SLC2A14: variants seen among roughly 807,000 people sequenced by gnomAD.
SLC2A14 encodes solute carrier family 2 member 14.
In SLC2A14, 13 loss-of-function variants were observed where a neutral mutation model predicts 43.0. The observed-to-expected ratio is 0.30, with a 90% CI of 0.20 to 0.48. SLC2A14 has a LOEUF of 0.48. Ranked by LOEUF, SLC2A14 falls within the 20% of genes least tolerant of loss-of-function variation. The pLI is 0.99. For missense variants in SLC2A14, 428 were observed against 620.4 expected (o/e 0.69, Z 3.29); for synonymous variants, 190 against 233.8 (o/e 0.81, Z 1.71).
At chr12:7,884,199 C>T (rs1243777031) in intron 1 of SLC2A14, among the ~76,000 whole-genome samples, 3 of 152,204 alleles carry the variant, frequency 2.0e-5, no homozygotes, top group Non-Finnish European at 4.4e-5. Context: ...GGATTACAGG[C>T]ATGAGCCACC....
intron 2 of SLC2A14, chr12:7,850,741 G>A (rs938631896): frequency 1.3e-5 from 2 of 152,198 alleles, no homozygotes; most frequent in Non-Finnish European, 2.9e-5. Context: ...GTGAAGCTGT[G>A]AGAGTGGAGA....
chr12:7,884,125 A>C (rs770549276), intron 1 of SLC2A14, among the ~76,000 whole-genome samples: 1 of 150,516 alleles, frequency 6.6e-6, no homozygotes, highest in Non-Finnish European at 1.5e-5. Context: ...GGGTTTCACC[A>C]TGTTAGCCAG....
At chr12:7,826,213 A>G (rs966638680) in intron 7 of SLC2A14, among the ~76,000 whole-genome samples, 4 of 111,260 alleles carry the variant, frequency 3.6e-5, no homozygotes, top group African/African-American at 1.1e-4. Flanking sequence ...ACTACTGTGT[A>G]TTTCCTCCCA....
intron 1 of SLC2A14, 82 bp from the exon 2 acceptor site, chr12:7,870,019 C>T (rs1306530114): frequency 1.9e-5 from 13 of 671,566 alleles, no homozygotes; most frequent in Non-Finnish European, 2.9e-5. Context: ...TTAGCCCCCT[C>T]GCCAATGGAC....
In SLC2A14 at chr12:7,891,076, C is replaced by A; in HGVS notation, c.52G>T (p.Gly18Ter). The change falls in exon 1 of 10, where the codon GGA becomes TGA. Residue 18 changes from glycine to a stop codon, truncating the protein, a stop_gained. Transcript: ENST00000539924. LOFTEE classifies it high-confidence loss of function. Reference sequence around the variant, plus strand: ...AAAAAGAAATGCCGCATTTCATCTCCTTGTTTCACACCCAGGAGTACTTCT... The same window carrying A: ...AAAAAGAAATGCCGCATTTCATCTCATTGTTTCACACCCAGGAGTACTTCT... The A allele has an allele frequency of 1.3e-6, 2 of 1,535,158 alleles. No individual in the cohort carries two copies. The highest frequency in any genetic ancestry group is 3.9e-5 in the Admixed American group (2 of 50,964).
rs1031624027 is a variant in SLC2A14 at position 7,848,063 on chromosome 12, A to G, written c.19-15249T>C. Among the ~76,000 whole-genome samples the G allele has an allele frequency of 6.6e-4, 101 of 152,118 alleles. 3 individuals carry two copies. The highest frequency in any genetic ancestry group is 6.6e-3 in the Admixed American group (101 of 15,260). ...TCAGATGACAAACCCAATTTGCAGG[A>G]TTCTGCAGAAAGCAGCTGCAGACAG... is the stretch of plus-strand genomic sequence containing the variant. On this transcript the variant is annotated intron_variant, in intron 2 of 10. Transcript: ENST00000431042.
chr12:7,822,463 C>T (rs984178278), intron 7 of SLC2A14, among the ~76,000 whole-genome samples: 11 of 151,566 alleles, frequency 7.3e-5, no homozygotes, highest in African/African-American at 2.2e-4. Context: ...GTCAGGAGAT[C>T]GAGACCATCC....
At chr12:7,865,430 G>A (rs1360868012) in intron 2 of SLC2A14, among the ~76,000 whole-genome samples, 2 of 151,920 alleles carry the variant, frequency 1.3e-5, no homozygotes, top group South Asian at 2.1e-4. Flanking sequence ...CCAGCTACTC[G>A]GGAGGCTGAA....
intron 2 of SLC2A14, among the ~76,000 whole-genome samples, chr12:7,868,910 C>T (rs188827727): frequency 2.4e-4 from 37 of 151,982 alleles, no homozygotes; most frequent in Middle Eastern, 3.4e-3. Flanking sequence ...TTTGGGAGGC[C>T]GAGGCGGGCA....
At chr12:7,847,575 G>T (rs1438965723) in intron 2 of SLC2A14, among the ~76,000 whole-genome samples, 2 of 152,156 alleles carry the variant, frequency 1.3e-5, no homozygotes, top group Admixed American at 6.6e-5. Flanking sequence ...AGGGTTTTGT[G>T]TAACTTGGCT....
At position 7,828,793 on chromosome 12, in the gene SLC2A14, G is replaced by A. The variant is rs1864733573; in HGVS notation, c.587C>T (p.Ala196Val). Residue 196 changes from alanine to valine, a missense_variant, in exon 6 of 11, where the codon GCT becomes GTT. Physicochemically the swap from Ala to Val is moderately conservative, Grantham distance 64 (BLOSUM62 0). Transcript: ENST00000431042. The stretch of plus-strand genomic sequence containing the variant: ...TGGAAGGGCTGCACTTTGCAGGATA[G>A]CTGGAAGGATGGTAAAGCCTAATAG... Reference protein sequence around the residue: ...PVLLGFTILPAILQSAALPCC... With the variant: ...PVLLGFTILPVILQSAALPCC... 1 of 1,614,080 alleles carries A rather than the reference G, an allele frequency of 6.2e-7. No individual in the cohort carries two copies. Among genetic ancestry groups the A allele is most frequent in the Non-Finnish European group, 8.5e-7 (1 of 1,180,036 alleles).
chr12:7,839,842 G>A, intron 2 of SLC2A14: 1 of 447,146 alleles, frequency 2.2e-6, no homozygotes, highest in Non-Finnish European at 4.4e-6. Context: ...TGGAGGTCAA[G>A]GCGGGAGGAT....
intron 2 of SLC2A14, among the ~76,000 whole-genome samples, chr12:7,866,262 T>C (rs1053363062): frequency 6.7e-6 from 1 of 149,652 alleles, no homozygotes; most frequent in Admixed American, 6.7e-5. Flanking sequence ...GTGAAACAGA[T>C]GTATTGCTGA....
intron 1 of SLC2A14, among the ~76,000 whole-genome samples, chr12:7,885,336 G>C (rs113537502): frequency 0.19 from 29,176 of 151,936 alleles, 3,116 homozygotes; most frequent in Middle Eastern, 0.32. Flanking sequence ...GTGGTGGCAG[G>C]CGCCAGTAGT....
chr12:7,846,759 G>A (rs1866502339), intron 2 of SLC2A14, among the ~76,000 whole-genome samples: 1 of 150,908 alleles, frequency 6.6e-6, no homozygotes, highest in Non-Finnish European at 1.5e-5. Context: ...AGCCTCTGGA[G>A]TAGCTGGGAT....
intron 2 of SLC2A14, among the ~76,000 whole-genome samples, chr12:7,869,095 G>T (rs945581605): frequency 6.7e-6 from 1 of 148,638 alleles, no homozygotes; most frequent in Non-Finnish European, 1.5e-5. Context: ...GGTGAGCCGA[G>T]ATCACACCAT....
exon 1 of SLC2A14, chr12:7,891,102 A>G: frequency 1.3e-6 from 2 of 1,534,462 alleles, no homozygotes; most frequent in Non-Finnish European, 1.7e-6. Flanking sequence ...GAGTACTTCT[A>G]CTCTCAACAG....
At chr12:7,877,268 G>A (rs981270439), upstream of SLC2A14, among the ~76,000 whole-genome samples, 2 of 151,758 alleles carry the variant, frequency 1.3e-5, no homozygotes, top group Admixed American at 1.3e-4. Flanking sequence ...AAAGTGCTAG[G>A]GCTACAGGCG....
At chr12:7,883,861 G>A (rs1018008836) in intron 1 of SLC2A14, among the ~76,000 whole-genome samples, 2 of 151,892 alleles carry the variant, frequency 1.3e-5, no homozygotes, top group African/African-American at 4.8e-5. Flanking sequence ...GGGATTACAG[G>A]CATGAGCCAC....
Sources: allele counts gnomAD v4.1 joint callset (sites outside exome capture counted in the v4.1 genomes callset), GRCh38; gene constraint gnomAD v4.1.1; transcripts MANE v1.5; gene names NCBI Gene and HGNC (gene_info 2026-07-23, HGNC 2026-07-21).